The following MARCHF3 variants were observed in gnomAD, a reference collection of about 807,000 sequenced individuals.
MARCHF3 encodes E3 ubiquitin-protein ligase MARCHF3.
A neutral mutation model predicts 24.2 loss-of-function variants in MARCHF3; 13 were observed. The observed-to-expected ratio is 0.54, with a 90% CI of 0.35 to 0.85. The LOEUF (loss-of-function observed/expected upper bound fraction) is 0.85, where lower values mean the gene tolerates loss of function less well. MARCHF3 is among the 40% of genes least tolerant of loss of function. The pLI is 0.01. For missense variants in MARCHF3, 276 were observed against 325.0 expected, an observed-to-expected ratio of 0.85 and a Z score of 1.16; for synonymous variants, 144 against 137.3, an observed-to-expected ratio of 1.05 and a Z score of -0.34.
At chr5:126,929,814 C>T (rs1202124053) in intron 1 of MARCHF3, among the ~76,000 whole-genome samples, 1 of 152,126 alleles carries the variant, frequency 6.6e-6, no homozygotes, top group Non-Finnish European at 1.5e-5. Flanking sequence ...GCAGGTCTTT[C>T]CCATGCTGTT....
intron 3 of MARCHF3, among the ~76,000 whole-genome samples, chr5:126,880,266 G>T (rs1256770403): frequency 6.6e-6 from 1 of 152,128 alleles, no homozygotes; most frequent in African/African-American, 2.4e-5. Flanking sequence ...ACCTTTCAGG[G>T]ACAAGCCACC....
intron 1 of MARCHF3, among the ~76,000 whole-genome samples, chr5:127,016,924 C>T (rs1752652485): frequency 6.6e-6 from 1 of 152,168 alleles, no homozygotes. Context: ...CCATGGAATA[C>T]TATGCAGCCA....
intron 1 of MARCHF3, among the ~76,000 whole-genome samples, chr5:127,024,437 A>C (rs939218553): frequency 1.3e-5 from 2 of 152,208 alleles, no homozygotes; most frequent in Non-Finnish European, 2.9e-5. Context: ...AGGGGCTCCA[A>C]GAGGGAGAAT....
intron 3 of MARCHF3, among the ~76,000 whole-genome samples, chr5:126,890,658 G>A (rs1753658838): frequency 6.6e-6 from 1 of 151,400 alleles, no homozygotes; most frequent in Non-Finnish European, 1.5e-5. Flanking sequence ...TGGTGTATAT[G>A]TGCCACATTT....
intron 1 of MARCHF3, among the ~76,000 whole-genome samples, chr5:126,958,680 CTTT>C: frequency 6.6e-6 from 1 of 151,532 alleles, no homozygotes; most frequent in East Asian, 1.9e-4. Flanking sequence ...TCAAATGTGA[CTTT>C]TTTTTTAAAA....
chr5:126,987,291 T>C lies in MARCHF3; in HGVS notation c.-57+43059A>G, dbSNP rs184698290. Among the ~76,000 whole-genome samples, 20 of 152,308 alleles carry C rather than the reference T, an allele frequency of 1.3e-4. No individual in the cohort carries two copies. In the East Asian group the frequency reaches 3.5e-3, roughly 26 times the overall value. ...CTTGTCTTGACATTATCAAGAATAA[T>C]ACAGGGTGTACTTAAACATTTGATA... On this transcript the variant is annotated intron_variant, in intron 1 of 4. Coordinates refer to ENST00000308660, the MANE Select transcript of MARCHF3 (RefSeq NM_178450.5).
chr5:127,001,912 A>G (rs1752136652), intron 1 of MARCHF3, among the ~76,000 whole-genome samples: 1 of 152,210 alleles, frequency 6.6e-6, no homozygotes, highest in Non-Finnish European at 1.5e-5. Context: ...GCATCACTAC[A>G]CTCTGAAAAG....
intron 2 of MARCHF3, 118 bp downstream of exon 2, chr5:126,917,866 A>G: frequency 1.1e-6 from 1 of 946,846 alleles, no homozygotes; most frequent in Admixed American, 3.5e-5. Context: ...TTTTTCCAGC[A>G]CCTCCTCTCA....
chr5:126,869,124 C>G lies in MARCHF3; in HGVS notation c.*1509G>C, dbSNP rs899656751. The G allele has an allele frequency of 3.3e-5, 5 of 152,224 alleles. No homozygotes were observed. The highest frequency in any genetic ancestry group is 1.3e-4 in the Admixed American group (2 of 15,274). 9.4% of individuals were successfully genotyped at this position (152,224 alleles called of 1,614,324 possible). ...GGCTCGCCTACAAAGGGGACACCTG[C>G]ATCAGCTCCATCAATTTGCAGACAA... is the stretch of plus-strand genomic sequence containing the variant. On this transcript the variant is annotated 3_prime_UTR_variant, in exon 5 of 5. Transcript: ENST00000308660.
intron 4 of MARCHF3, among the ~76,000 whole-genome samples, chr5:126,872,254 T>C (rs1391572789): frequency 6.6e-6 from 1 of 151,368 alleles, no homozygotes; most frequent in Non-Finnish European, 1.5e-5. Flanking sequence ...GAGACAGGGT[T>C]TCTCCATGTT....
chr5:126,886,655 G>A (rs1753519618), intron 3 of MARCHF3, among the ~76,000 whole-genome samples: 1 of 152,110 alleles, frequency 6.6e-6, no homozygotes, highest in Admixed American at 6.6e-5. Flanking sequence ...CCTTTTCTGG[G>A]CTTCAGGCTT....
At chr5:127,015,359 G>A (rs1049578770) in intron 1 of MARCHF3, among the ~76,000 whole-genome samples, 7 of 152,176 alleles carry the variant, frequency 4.6e-5, no homozygotes, top group African/African-American at 9.7e-5. Flanking sequence ...GGGAAAGGTC[G>A]AGGGAAGATG....
At chr5:127,020,832 C>T (rs1052024992) in intron 1 of MARCHF3, among the ~76,000 whole-genome samples, 7 of 151,618 alleles carry the variant, frequency 4.6e-5, no homozygotes, top group Non-Finnish European at 1.0e-4. Context: ...CTGGGCAACA[C>T]GGCGAGACCT....
At chr5:126,895,038 T>G (rs1004006921) in intron 3 of MARCHF3, among the ~76,000 whole-genome samples, 2 of 152,076 alleles carry the variant, frequency 1.3e-5, no homozygotes, top group African/African-American at 4.8e-5. Flanking sequence ...TAAACTTCCC[T>G]TCTCGCTTCA....
intron 1 of MARCHF3, among the ~76,000 whole-genome samples, chr5:126,972,552 G>A (rs923047642): frequency 9.9e-5 from 15 of 152,128 alleles, no homozygotes; most frequent in African/African-American, 3.6e-4. Flanking sequence ...CCTCGGGTGT[G>A]CCATTCAACA....
At chr5:126,876,249 A>G (rs977289038) in intron 4 of MARCHF3, among the ~76,000 whole-genome samples, 1 of 152,212 alleles carries the variant, frequency 6.6e-6, no homozygotes, top group African/African-American at 2.4e-5. Flanking sequence ...GATTTCAGAA[A>G]GGCCTTACAT....
intron 4 of MARCHF3, among the ~76,000 whole-genome samples, chr5:126,876,366 A>C (rs1383657039): frequency 2.0e-5 from 3 of 152,216 alleles, no homozygotes; most frequent in Non-Finnish European, 4.4e-5. Flanking sequence ...GCAAGAACTT[A>C]TATTATTCTC....
Position 126,878,461 on chromosome 5 carries a change from C to T in MARCHF3, c.394-67G>A, listed in dbSNP as rs111322598. ...TAAATGCCAGTGTGGAGTGGAGACA[C>T]GCTGTTCTGAAGTTATCTTTGCCTT... On this transcript the variant is annotated intron_variant, in intron 3 of 4. Transcript: ENST00000308660. The T allele has an allele frequency of 3.0e-3, 4,443 of 1,476,216 alleles. 92 individuals carry two copies. The African/African-American group carries it at 0.054, about 18-fold the overall frequency. 91.4% of individuals were successfully genotyped at this position (1,476,216 alleles called of 1,614,324 possible).
chr5:126,889,339 C>T (rs540345293), intron 3 of MARCHF3, among the ~76,000 whole-genome samples: 5 of 151,990 alleles, frequency 3.3e-5, no homozygotes, highest in African/African-American at 1.2e-4. Context: ...TGAATATGAA[C>T]AATAAATTCC....
Sources: gnomAD v4.1 joint callset for allele counts (sites outside exome capture counted in the v4.1 genomes callset) on GRCh38, gnomAD v4.1.1 for gene constraint, MANE v1.5 for transcripts, NCBI Gene and HGNC (gene_info 2026-07-23, HGNC 2026-07-21) for gene names.